The following AGMO variants were observed in gnomAD, a reference collection of about 807,000 sequenced individuals.
AGMO encodes the protein alkylglycerol monooxygenase, also known as glyceryl-ether monooxygenase.
AGMO carries 75 observed loss-of-function variants against 60.2 expected under a neutral mutation model. That is an observed-to-expected ratio of 1.25 (90% CI 1.03 to 1.51). The LOEUF is 1.51. Ranked by LOEUF, AGMO falls within the 40% of genes most tolerant of loss-of-function variation. AGMO has a pLI of 0.00. For synonymous variants in AGMO, 261 were observed against 177.1 expected, an observed-to-expected ratio of 1.47 and a Z score of -3.76; for missense variants, 763 against 525.5, an observed-to-expected ratio of 1.45 and a Z score of -4.42.
At chr7:15,328,676 C>G (rs1163576820) in intron 12 of AGMO, among the ~76,000 whole-genome samples, 1 of 152,106 alleles carries the variant, frequency 6.6e-6, no homozygotes, top group Admixed American at 6.6e-5. Flanking sequence ...GTAGTCAAAC[C>G]AATATTTCTT....
intron 12 of AGMO, among the ~76,000 whole-genome samples, chr7:15,268,129 C>T (rs1308912876): frequency 2.6e-5 from 4 of 151,896 alleles, no homozygotes; most frequent in African/African-American, 9.7e-5. Context: ...TAACATGAAT[C>T]ATATTAGGTT....
At position 15,390,804 on chromosome 7, in the gene AGMO, T is replaced by C. The variant is rs768057365; in HGVS notation, c.742+36A>G. On this transcript the variant is annotated intron_variant, in intron 7 of 12. Coordinates refer to ENST00000342526, the MANE Select transcript of AGMO (RefSeq NM_001004320.2). Reference sequence around the variant, plus strand: ...TTGGCTTCCTGTAAAGTAAAGGAGCTGATTTAATTTTTTGATTTTAATACA... The same window carrying C: ...TTGGCTTCCTGTAAAGTAAAGGAGCCGATTTAATTTTTTGATTTTAATACA... The C allele has an allele frequency of 3.8e-6, 6 of 1,583,378 alleles. No individual in the cohort carries two copies. The Admixed American group carries it at 8.4e-5, about 22-fold the overall frequency.
At chr7:15,276,935 G>T (rs1375420166) in intron 12 of AGMO, among the ~76,000 whole-genome samples, 2 of 149,186 alleles carry the variant, frequency 1.3e-5, no homozygotes, top group African/African-American at 2.5e-5. Context: ...TTCATTTCCT[G>T]GATTGCCTTT....
In AGMO at chr7:15,423,934, C is replaced by A. The variant is rs1780992050; in HGVS notation, c.514-5281G>T. 2.0e-5 allele frequency among the ~76,000 whole-genome samples: 3 copies of A among 152,118 alleles called. No homozygotes were observed. In the South Asian group the frequency reaches 6.2e-4, roughly 31 times the overall value. On this transcript the variant is annotated intron_variant, in intron 4 of 12. Coordinates refer to ENST00000342526, the MANE Select transcript of AGMO (RefSeq NM_001004320.2). ...GTTCTAAGCCACCTAGCTCTGGGTA[C>A]TTTGTTACAGCAGCCTCAGGAAATT... is the stretch of plus-strand genomic sequence containing the variant.
chr7:15,325,199 T>C (rs1262415310), intron 12 of AGMO, among the ~76,000 whole-genome samples: 1 of 152,134 alleles, frequency 6.6e-6, no homozygotes, highest in Non-Finnish European at 1.5e-5. Flanking sequence ...TGCAGTCATG[T>C]TTAAATTATA....
intron 12 of AGMO, among the ~76,000 whole-genome samples, chr7:15,301,138 T>C (rs1331393113): frequency 1.3e-5 from 2 of 152,150 alleles, no homozygotes; most frequent in East Asian, 1.9e-4. Context: ...TTATTGATAC[T>C]AATTTAAAAG....
At chr7:15,146,889 G>T in the AGMO span, among the ~76,000 whole-genome samples, 5 of 152,098 alleles carry the variant, frequency 3.3e-5, no homozygotes, top group African/African-American at 1.2e-4. Flanking sequence ...GAAATGTAAA[G>T]ATTTAAACAG....
rs148741747 is a variant in AGMO at position 15,440,516 on chromosome 7, A to G, written c.410-9408T>C. ...TGGGCAACTCTGTGTGTATTTATGT[A>G]TATTTGCTAAGGTAGAAAGAACAGG... is the stretch of plus-strand genomic sequence containing the variant. On this transcript the variant is annotated intron_variant, in intron 3 of 12. Coordinates refer to ENST00000342526, the MANE Select transcript of AGMO (RefSeq NM_001004320.2). Among the ~76,000 whole-genome samples the G allele has an allele frequency of 3.0e-4, 45 of 152,320 alleles. 1 individual carries two copies. The East Asian group carries it at 7.9e-3, about 27-fold the overall frequency.
intron 3 of AGMO, among the ~76,000 whole-genome samples, chr7:15,439,565 G>C (rs1482962746): frequency 6.6e-6 from 1 of 152,126 alleles, no homozygotes; most frequent in Non-Finnish European, 1.5e-5. Flanking sequence ...TATCTTATCA[G>C]TAGTGGCTGC....
At chr7:15,379,840 G>A (rs1054749923) in intron 10 of AGMO, among the ~76,000 whole-genome samples, 55 of 152,088 alleles carry the variant, frequency 3.6e-4, no homozygotes, top group African/African-American at 1.3e-3. Flanking sequence ...ATCCCTGGGT[G>A]CAAGGTTGGT....
chr7:15,498,391 G>T (rs1783292320), intron 3 of AGMO, among the ~76,000 whole-genome samples: 1 of 151,910 alleles, frequency 6.6e-6, no homozygotes, highest in Non-Finnish European at 1.5e-5. Flanking sequence ...TTTTATTGGA[G>T]ATATTACTCT....
chr7:15,310,017 A>G (rs1256560169), intron 12 of AGMO, among the ~76,000 whole-genome samples: 1 of 152,126 alleles, frequency 6.6e-6, no homozygotes, highest in Non-Finnish European at 1.5e-5. Context: ...TCTGTCTGGA[A>G]GGAAATATTT....
downstream of AGMO, among the ~76,000 whole-genome samples, chr7:15,198,047 G>A (rs1259030340): frequency 6.6e-5 from 10 of 152,176 alleles, no homozygotes; most frequent in East Asian, 1.2e-3. Flanking sequence ...ACTAATAGAG[G>A]ACTACTCATT....
At chr7:15,146,121 G>C in the AGMO span, among the ~76,000 whole-genome samples, 2 of 152,018 alleles carry the variant, frequency 1.3e-5, no homozygotes, top group African/African-American at 4.8e-5. Context: ...ATCTGCTATA[G>C]CACAGTTAAT....
intron 2 of AGMO, among the ~76,000 whole-genome samples, chr7:15,556,949 G>C (rs1785159530): frequency 1.3e-5 from 2 of 152,020 alleles, no homozygotes; most frequent in African/African-American, 4.8e-5. Context: ...TCTTAGGACA[G>C]ATGGACTTTT....
At position 15,201,366 on chromosome 7, in the gene AGMO, A is replaced by T; in HGVS notation, c.1264-7T>A. 6.2e-7 allele frequency: 1 copy of T among 1,608,514 alleles called. No individual in the cohort carries two copies. ...TGCAAATGGAAAAAACAATCTGAAG[A>T]AATAAAACACAAAGAGAAAAAAAAA... On this transcript the variant is annotated splice_polypyrimidine_tract_variant and splice_region_variant and intron_variant, in intron 12 of 12. Transcript: ENST00000342526.
chr7:15,482,472 G>A (rs941228508), intron 3 of AGMO, among the ~76,000 whole-genome samples: 6 of 151,954 alleles, frequency 3.9e-5, no homozygotes, highest in African/African-American at 9.7e-5. Flanking sequence ...AAATCTCCAC[G>A]GTGACTTTTT....
intron 12 of AGMO, among the ~76,000 whole-genome samples, chr7:15,344,713 C>A (rs934367647): frequency 3.3e-5 from 5 of 152,006 alleles, no homozygotes; most frequent in Admixed American, 6.6e-5. Context: ...AAACAAAAAA[C>A]CCAAAAACAC....
chr7:15,503,624 C>A (rs950076089), intron 3 of AGMO, among the ~76,000 whole-genome samples: 1 of 151,920 alleles, frequency 6.6e-6, no homozygotes, highest in Admixed American at 6.6e-5. Context: ...AAATAACTGG[C>A]GTCCATTTGT....
Sources: gnomAD v4.1 joint callset for allele counts (sites outside exome capture counted in the v4.1 genomes callset) on GRCh38, gnomAD v4.1.1 for gene constraint, MANE v1.5 for transcripts, NCBI Gene and HGNC (gene_info 2026-07-23, HGNC 2026-07-21) for gene names.